The following TCERG1L variants were observed in gnomAD, a reference collection of about 807,000 sequenced individuals.
TCERG1L encodes transcription elongation regulator 1-like protein.
Under a neutral mutation model 56.3 loss-of-function variants are expected in TCERG1L, and 37 were observed. The ratio of observed to expected loss-of-function variants is 0.66; its 90% confidence interval spans 0.51 to 0.87. The LOEUF is 0.87. TCERG1L is among the 40% of genes least tolerant of loss of function. The probability of loss-of-function intolerance (pLI) is 0.00; values close to 1 mark genes in which losing one functional copy is unlikely to be tolerated. For missense variants in TCERG1L, 799 were observed against 774.2 expected, an observed-to-expected ratio of 1.03 and a Z score of -0.38; for synonymous variants, 324 against 326.3, an observed-to-expected ratio of 0.99 and a Z score of 0.08.
intron 4 of TCERG1L, among the ~76,000 whole-genome samples, chr10:131,228,817 C>T (rs1418932946): frequency 5.7e-5 from 4 of 70,312 alleles, no homozygotes; most frequent in African/African-American, 1.3e-4. Flanking sequence ...TCAAGGCCTC[C>T]GGAGTCTTCC....
At chr10:131,117,083 C>T (rs1845467543) in intron 8 of TCERG1L, 149 bp from the exon 9 acceptor site, 1 of 1,100,920 alleles carries the variant, frequency 9.1e-7, no homozygotes, top group Non-Finnish European at 1.3e-6. Flanking sequence ...GTCTCCCTCG[C>T]AAAGATGGCA....
intron 6 of TCERG1L, among the ~76,000 whole-genome samples, chr10:131,149,728 C>A (rs1377069073): frequency 1.3e-5 from 2 of 152,226 alleles, no homozygotes; most frequent in Non-Finnish European, 2.9e-5. Context: ...AGTTTTACTA[C>A]TGCGACATTG....
chr10:131,165,556 T>C (rs1025501600), intron 5 of TCERG1L, among the ~76,000 whole-genome samples: 2 of 152,200 alleles, frequency 1.3e-5, no homozygotes, highest in Admixed American at 6.5e-5. Flanking sequence ...CAGAAACACT[T>C]GTCTCAAAAA....
Position 131,142,890 on chromosome 10 carries a change from C to G in TCERG1L, c.1189+3616G>C, listed in dbSNP as rs371036043. On this transcript the variant is annotated intron_variant, in intron 7 of 11. Transcript: ENST00000368642. ...AGGATGGAGGTTGCTAAACAGCTCC[C>G]CTTGAGGTGAGAGACCATCCTGTCA... Among the ~76,000 whole-genome samples, 71 of 152,324 alleles carry G rather than the reference C, an allele frequency of 4.7e-4. 1 individual carries two copies. The South Asian group carries it at 0.013, about 28-fold the overall frequency.
chr10:131,149,711 C>T (rs752172042), intron 6 of TCERG1L, among the ~76,000 whole-genome samples: 4 of 152,300 alleles, frequency 2.6e-5, no homozygotes, highest in African/African-American at 9.6e-5. Context: ...ACACGTAGGA[C>T]GTGGACAGTT....
At chr10:131,266,125 C>T (rs149824716) in intron 3 of TCERG1L, among the ~76,000 whole-genome samples, 1,983 of 152,336 alleles carry the variant, frequency 0.013, 21 homozygotes, top group Non-Finnish European at 0.021. Flanking sequence ...TCTCAAGAAA[C>T]CACTTTCTAT....
chr10:131,233,211 G>A (rs1189460534), intron 4 of TCERG1L, among the ~76,000 whole-genome samples: 4 of 152,180 alleles, frequency 2.6e-5, no homozygotes, highest in Non-Finnish European at 5.9e-5. Flanking sequence ...GCGAGAGACA[G>A]GAAGAAAGGA....
chr10:131,279,805 G>A (rs1250775324), intron 3 of TCERG1L, among the ~76,000 whole-genome samples: 1 of 152,044 alleles, frequency 6.6e-6, no homozygotes, highest in African/African-American at 2.4e-5. Context: ...CACGGATGCT[G>A]AGACACCCAT....
rs769903846 is a variant in TCERG1L at position 131,166,787 on chromosome 10, C to T, written c.945+10G>A. On this transcript the variant is annotated intron_variant, in intron 5 of 11. Transcript: ENST00000368642. ...GTGTCTTTAACACACACACGAGCCC[C>T]GAAACTGACCTTGTCTTCTTTGTCT... The T allele has an allele frequency of 2.7e-5, 43 of 1,613,806 alleles. No homozygotes were observed. Among genetic ancestry groups the T allele is most frequent in the South Asian group, 2.0e-4 (18 of 91,060 alleles).
At chr10:131,171,222 A>G (rs1846090037) in intron 4 of TCERG1L, among the ~76,000 whole-genome samples, 2 of 151,414 alleles carry the variant, frequency 1.3e-5, no homozygotes, top group South Asian at 4.2e-4. Context: ...GTGTGGAAAG[A>G]AAAACTGTCC....
intron 4 of TCERG1L, among the ~76,000 whole-genome samples, chr10:131,182,078 CAT>C (rs1319693195): frequency 1.3e-5 from 2 of 152,048 alleles, no homozygotes; most frequent in African/African-American, 2.4e-5. Flanking sequence ...TGTGTGCATG[CAT>C]ATGTGTGCAC....
intron 3 of TCERG1L, among the ~76,000 whole-genome samples, chr10:131,301,826 G>T (rs986340678): frequency 6.6e-6 from 1 of 152,044 alleles, no homozygotes; most frequent in Non-Finnish European, 1.5e-5. Flanking sequence ...AAAGCAGAAT[G>T]TAACAATTAC....
intron 3 of TCERG1L, among the ~76,000 whole-genome samples, chr10:131,266,114 A>C (rs1002523206): frequency 6.6e-6 from 1 of 152,230 alleles, no homozygotes; most frequent in African/African-American, 2.4e-5. Context: ...AGTAGATTCC[A>C]TCTCAAGAAA....
intron 6 of TCERG1L, among the ~76,000 whole-genome samples, chr10:131,149,704 C>T (rs1053767102): frequency 7.2e-5 from 11 of 152,158 alleles, no homozygotes; most frequent in African/African-American, 1.9e-4. Flanking sequence ...TTTGGCAACA[C>T]GTAGGACGTG....
intron 4 of TCERG1L, among the ~76,000 whole-genome samples, chr10:131,207,576 C>T (rs1240965573): frequency 6.6e-6 from 1 of 152,222 alleles, no homozygotes; most frequent in East Asian, 1.9e-4. Flanking sequence ...GAAACAGCTA[C>T]ATCAGGTTTA....
intron 4 of TCERG1L, among the ~76,000 whole-genome samples, chr10:131,188,962 G>A (rs924085547): frequency 6.6e-6 from 1 of 152,000 alleles, no homozygotes; most frequent in African/African-American, 2.4e-5. Context: ...ATGAACCATA[G>A]TATATACTTT....
chr10:131,112,641 C>G (rs1331768773), intron 9 of TCERG1L, among the ~76,000 whole-genome samples: 1 of 142,150 alleles, frequency 7.0e-6, no homozygotes, highest in Non-Finnish European at 1.6e-5. Context: ...GGTGGAATGA[C>G]CGGGCTTCCA....
chr10:131,219,385 C>T (rs1470568320), intron 4 of TCERG1L, among the ~76,000 whole-genome samples: 5 of 152,246 alleles, frequency 3.3e-5, no homozygotes, highest in Admixed American at 6.5e-5. Flanking sequence ...ACCCCAGGAC[C>T]GCCAGCGGCT....
chr10:131,284,125 C>CAAAAAA (rs10534180), intron 3 of TCERG1L, among the ~76,000 whole-genome samples: 1 of 116,400 alleles, frequency 8.6e-6, no homozygotes. Flanking sequence ...GACCACATCT[C>CAAAAAA]AAAAAAAAAA....
Sources: allele counts gnomAD v4.1 joint callset (sites outside exome capture counted in the v4.1 genomes callset), GRCh38; gene constraint gnomAD v4.1.1; transcripts MANE v1.5; gene names NCBI Gene and HGNC (gene_info 2026-07-23, HGNC 2026-07-21).